Variants in CDC26 observed in about 807,000 individuals in gnomAD.
CDC26 encodes the protein anaphase-promoting complex subunit CDC26.
Under a neutral mutation model 8.0 loss-of-function variants are expected in CDC26, and 2 were observed. That is an observed-to-expected ratio of 0.25 (90% CI 0.10 to 0.79). The LOEUF (loss-of-function observed/expected upper bound fraction) is 0.79, where lower values mean the gene tolerates loss of function less well. Ranked by LOEUF, CDC26 falls within the 30% of genes least tolerant of loss-of-function variation. The pLI, the probability that CDC26 is intolerant of heterozygous loss-of-function variation, is 0.70. For synonymous variants in CDC26, 19 were observed against 34.9 expected, an observed-to-expected ratio of 0.55 and a Z score of 1.60; for missense variants, 68 against 106.0, an observed-to-expected ratio of 0.64 and a Z score of 1.57.
intron 3 of CDC26, 32 bp from the exon 4 acceptor site, chr9:113,267,471 A>C: frequency 6.3e-7 from 1 of 1,579,170 alleles, no homozygotes; most frequent in Non-Finnish European, 8.6e-7. Flanking sequence ...GATTAAGGCA[A>C]CATTCTTTCA....
chr9:113,273,770 G>A (rs1408051368), intron 1 of CDC26, among the ~76,000 whole-genome samples: 1 of 143,892 alleles, frequency 6.9e-6, no homozygotes, highest in Non-Finnish European at 1.5e-5. Flanking sequence ...CTTGAGCCCA[G>A]GAGTTTCAGG....
intron 3 of CDC26, among the ~76,000 whole-genome samples, chr9:113,271,112 G>A (rs772997090): frequency 1.3e-5 from 2 of 152,142 alleles, no homozygotes; most frequent in Admixed American, 6.6e-5. Context: ...AATATAAAGC[G>A]TAAGAGAAAG....
chr9:113,267,288 G>C lies in CDC26; in HGVS notation c.233C>G (p.Ser78Cys), dbSNP rs752042591. 98 of 1,538,854 alleles carry C rather than the reference G, an allele frequency of 6.4e-5. 1 individual carries two copies. Among genetic ancestry groups the C allele is most frequent in the Non-Finnish European group, 8.2e-5 (94 of 1,141,180 alleles). ...KPQPKPNNRS[S>C]QFGSLEF ...CTAAAATTCAAGACTTCCAAATTGA[G>C]ATGAACGATTATTGGGCTTGGGTTG... The change falls in exon 4 of 4, where the codon TCT becomes TGT. Residue 78 changes from serine (S) to cysteine (C), a missense_variant. Coordinates refer to ENST00000374206, the MANE Select transcript of CDC26 (RefSeq NM_139286.4).
chr9:113,272,235 A>G (rs1302604995), intron 3 of CDC26, among the ~76,000 whole-genome samples, 192 bp downstream of exon 3: 1 of 152,048 alleles, frequency 6.6e-6, no homozygotes, highest in Admixed American at 6.6e-5. Context: ...TGGCCCCAAC[A>G]TGGCAAAACC....
chr9:113,274,710 TC>T (rs1403321566), intron 1 of CDC26, among the ~76,000 whole-genome samples: 1 of 152,224 alleles, frequency 6.6e-6, no homozygotes. Context: ...AGACCTTAGT[TC>T]CCTCATCTGT....
At position 113,267,483 on chromosome 9, in the gene CDC26, T is replaced by A. The variant is rs186669902; in HGVS notation, c.82-44A>T. The A allele has an allele frequency of 7.6e-4, 1,189 of 1,568,780 alleles. 10 individuals are homozygous for A. The highest frequency in any genetic ancestry group is 3.6e-3 in the East Asian group (160 of 44,466). Reference sequence around the variant, plus strand: ...TAGGATTAAGGCAACATTCTTTCAATTAGCAAATGTTTATTTAGAACACCT... The same window carrying A: ...TAGGATTAAGGCAACATTCTTTCAAATAGCAAATGTTTATTTAGAACACCT... On this transcript the variant is annotated intron_variant, in intron 3 of 3. Coordinates refer to ENST00000374206, the MANE Select transcript of CDC26 (RefSeq NM_139286.4).
At chr9:113,273,524 A>C (rs113396266) in intron 1 of CDC26, 86 bp from the exon 2 acceptor site, 476 of 152,324 alleles carry the variant, frequency 3.1e-3, no homozygotes, top group Non-Finnish European at 5.4e-3. Flanking sequence ...ACAGGCACCT[A>C]ATCCAGTCTG....
chr9:113,268,093 A>G (rs1831892424), intron 3 of CDC26, among the ~76,000 whole-genome samples: 1 of 152,154 alleles, frequency 6.6e-6, no homozygotes, highest in African/African-American at 2.4e-5. Context: ...TATGACAGAG[A>G]GAAGTCTACA....
chr9:113,272,920 G>A (rs900967521), intron 2 of CDC26, among the ~76,000 whole-genome samples: 1 of 152,024 alleles, frequency 6.6e-6, no homozygotes, highest in African/African-American at 2.4e-5. Flanking sequence ...TCAAACTCTT[G>A]GGCTCAAGTG....
chr9:113,267,483 T>G, intron 3 of CDC26, 44 bp from the exon 4 acceptor site: 1 of 1,568,780 alleles, frequency 6.4e-7, no homozygotes, highest in Non-Finnish European at 8.6e-7. Flanking sequence ...ATTCTTTCAA[T>G]TAGCAAATGT....
intron 3 of CDC26, among the ~76,000 whole-genome samples, chr9:113,270,480 T>TA (rs111454612): frequency 4.6e-5 from 7 of 152,048 alleles, no homozygotes; most frequent in Non-Finnish European, 7.4e-5. Flanking sequence ...GATTTTACAA[T>TA]AAAAAAAATT....
At chr9:113,273,095 C>T (rs1229604706) in intron 2 of CDC26, among the ~76,000 whole-genome samples, 1 of 152,164 alleles carries the variant, frequency 6.6e-6, no homozygotes, top group Non-Finnish European at 1.5e-5. Flanking sequence ...TTTAAAATAG[C>T]AAACTGCCTA....
chr9:113,271,371 G>A (rs981239363), intron 3 of CDC26, among the ~76,000 whole-genome samples: 1 of 152,132 alleles, frequency 6.6e-6, no homozygotes, highest in Non-Finnish European at 1.5e-5. Context: ...ACTAAATTAA[G>A]GATCTTGAGA....
intron 3 of CDC26, among the ~76,000 whole-genome samples, chr9:113,269,803 G>T (rs904316421): frequency 6.6e-6 from 1 of 152,174 alleles, no homozygotes; most frequent in African/African-American, 2.4e-5. Context: ...GAAGCAGGGG[G>T]AAAGAAATCT....
intron 3 of CDC26, among the ~76,000 whole-genome samples, chr9:113,268,488 AGAT>A: frequency 6.6e-6 from 1 of 152,376 alleles, no homozygotes; most frequent in South Asian, 2.1e-4. Context: ...TAAGGATAAC[AGAT>A]GATAACTTTC....
At chr9:113,271,065 T>C (rs1482233661) in intron 3 of CDC26, among the ~76,000 whole-genome samples, 1 of 152,120 alleles carries the variant, frequency 6.6e-6, no homozygotes, top group African/African-American at 2.4e-5. Flanking sequence ...TCCAGACATA[T>C]TCTGAAGGTA....
At position 113,274,000 on chromosome 9, in the gene CDC26, TAG is replaced by T. The variant is rs906804605; in HGVS notation, c.-151-564_-151-563del. Among the ~76,000 whole-genome samples the T allele has an allele frequency of 3.3e-5, 5 of 152,330 alleles. No individual in the cohort carries two copies. The East Asian group carries it at 7.7e-4, about 24-fold the overall frequency. On this transcript the variant is annotated intron_variant, in intron 1 of 3. Coordinates refer to ENST00000374206, the MANE Select transcript of CDC26 (RefSeq NM_139286.4). The stretch of plus-strand genomic sequence containing the variant: ...TTTGTATATTCTCCACAGCATCCCC[TAG>T]AGTGTATCTATAAAAACAGTCAGTA...
chr9:113,268,197 G>A (rs960612109), intron 3 of CDC26, among the ~76,000 whole-genome samples: 7 of 152,120 alleles, frequency 4.6e-5, no homozygotes, highest in African/African-American at 1.7e-4. Context: ...TGAGAGCAAA[G>A]GGCATTTCAA....
chr9:113,267,536 T>A, intron 3 of CDC26, 97 bp from the exon 4 acceptor site: 1 of 1,417,726 alleles, frequency 7.1e-7, no homozygotes, highest in Non-Finnish European at 9.6e-7. Context: ...GGCTAAATGA[T>A]AGAGTTAGGG....
Sources: allele counts gnomAD v4.1 joint callset (sites outside exome capture counted in the v4.1 genomes callset), GRCh38; gene constraint gnomAD v4.1.1; transcripts MANE v1.5; gene names NCBI Gene and HGNC (gene_info 2026-07-23, HGNC 2026-07-21).